Variants in NID2 observed in about 807,000 individuals in gnomAD.
NID2 encodes the protein nidogen 2.
NID2 carries 83 observed loss-of-function variants against 145.4 expected under a neutral mutation model. That is an observed-to-expected ratio of 0.57 (90% CI 0.48 to 0.69). NID2 has a LOEUF of 0.69. NID2 is among the 30% of genes least tolerant of loss of function. NID2 has a pLI of 0.00. For missense variants in NID2, 1,807 were observed against 1,765.7 expected (o/e 1.02, Z -0.42); for synonymous variants, 739 against 701.3 (o/e 1.05, Z -0.85).
At chr14:52,045,215 G>A (rs954741040) in intron 5 of NID2, among the ~76,000 whole-genome samples, 2 of 152,092 alleles carry the variant, frequency 1.3e-5, no homozygotes, top group East Asian at 1.9e-4. Context: ...GAAGATTATC[G>A]AGATGACTAT....
At chr14:52,048,803 C>T (rs1444816644) in intron 5 of NID2, among the ~76,000 whole-genome samples, 2 of 152,228 alleles carry the variant, frequency 1.3e-5, no homozygotes, top group African/African-American at 2.4e-5. Flanking sequence ...GAGAAGGAGA[C>T]ATTTGGGCAG....
intron 15 of NID2, 107 bp downstream of exon 15, chr14:52,014,947 A>T (rs960396477): frequency 1.1e-6 from 1 of 886,378 alleles, no homozygotes; most frequent in African/African-American, 1.7e-5. Flanking sequence ...GACTTCTTTC[A>T]TTAGACCTGG....
chr14:52,009,148 T>TA (rs1890911885), intron 18 of NID2: 1 of 152,190 alleles, frequency 6.6e-6, no homozygotes, highest in Non-Finnish European at 1.5e-5. Flanking sequence ...TTTCATCCCT[T>TA]ATGCCCAACA....
intron 13 of NID2, 36 bp downstream of exon 13, chr14:52,020,023 A>C: frequency 6.2e-7 from 1 of 1,611,110 alleles, no homozygotes; most frequent in Non-Finnish European, 8.5e-7. Flanking sequence ...AGGAGCTAAG[A>C]GATTCATGTG....
At position 52,038,865 on chromosome 14, in the gene NID2, G is replaced by A. The variant is rs750338939; in HGVS notation, c.2139C>T (p.Pro713=). 2.5e-6 allele frequency: 4 copies of A among 1,614,092 alleles called. No individual in the cohort carries two copies. The Admixed American group carries it at 5.0e-5, about 20-fold the overall frequency. The part of the protein sequence containing the change: ...NITYQVCRHA[P]RHPSFPTTQQ... ...GGGTGGTGGGGAAGGACGGGTGTCTGGGGGCGTGCCTGCACACCTGGTAAG... is the reference window on the plus strand; with the variant it reads ...GGGTGGTGGGGAAGGACGGGTGTCTAGGGGCGTGCCTGCACACCTGGTAAG... Residue 713 remains proline (P), a synonymous_variant, in exon 9 of 22, where the codon CCC becomes CCT. Coordinates refer to ENST00000216286, the MANE Select transcript of NID2 (RefSeq NM_007361.4).
intron 14 of NID2, among the ~76,000 whole-genome samples, chr14:52,018,366 C>G (rs564618869): frequency 1.3e-5 from 2 of 152,320 alleles, no homozygotes; most frequent in South Asian, 2.1e-4. Flanking sequence ...AATAATTCAA[C>G]AAGGAACAGA....
chr14:52,056,298 A>G (rs1595052590), intron 3 of NID2, among the ~76,000 whole-genome samples: 1 of 152,242 alleles, frequency 6.6e-6, no homozygotes, highest in Non-Finnish European at 1.5e-5. Flanking sequence ...CTAATTATAT[A>G]TAAATCACTA....
At position 52,028,543 on chromosome 14, in the gene NID2, T is replaced by A. The variant is rs1000988632; in HGVS notation, c.2530+179A>T. 13 of 578,736 alleles carry A rather than the reference T, an allele frequency of 2.2e-5. No homozygotes were observed. In the African/African-American group the frequency reaches 2.3e-4, roughly 10 times the overall value. The allele number at this position is 578,736 out of a possible 1,614,324, so 35.9% of individuals were successfully genotyped here. On this transcript the variant is annotated intron_variant, in intron 11 of 21. Coordinates refer to ENST00000216286, the MANE Select transcript of NID2 (RefSeq NM_007361.4). ...CACCTGCCTCAGCCTTCCAAAGCGATGATTACAGGCGTGAGCCACCACATC... is the reference window on the plus strand; with the variant it reads ...CACCTGCCTCAGCCTTCCAAAGCGAAGATTACAGGCGTGAGCCACCACATC...
chr14:52,013,611 CT>C (rs1248285296), intron 16 of NID2, among the ~76,000 whole-genome samples: 1 of 151,956 alleles, frequency 6.6e-6, no homozygotes, highest in Non-Finnish European at 1.5e-5. Context: ...GACAGCCACC[CT>C]TTTTTTTCCT....
chr14:52,046,236 T>C (rs930289319), intron 5 of NID2, among the ~76,000 whole-genome samples: 3 of 141,382 alleles, frequency 2.1e-5, no homozygotes, highest in Non-Finnish European at 4.5e-5. Flanking sequence ...GGCAGGAGAA[T>C]GGCGTGAATC....
intron 9 of NID2, among the ~76,000 whole-genome samples, chr14:52,030,592 AAGAAAGAAAGAAAGAG>A (rs1238219801): frequency 7.6e-6 from 1 of 130,996 alleles, no homozygotes; most frequent in East Asian, 2.7e-4. Context: ...GAAAGAAAGA[AAGAAAGAAAGAAAGAG>A]AAAGAAAAAG....
chr14:52,067,919 G>C lies in NID2; in HGVS notation c.473C>G (p.Ala158Gly), dbSNP rs1893279588. 2.5e-6 allele frequency: 4 copies of C among 1,612,732 alleles called. No individual in the cohort carries two copies. The East Asian group carries it at 8.9e-5, about 36-fold the overall frequency. Residue 158 changes from alanine to glycine, a missense_variant, in exon 2 of 22, where the codon GCC becomes GGC. Coordinates refer to ENST00000216286, the MANE Select transcript of NID2 (RefSeq NM_007361.4). ...GTAAGCGCCTACCTGCTCCCAGGTG[G>C]CCAGGAAGGCGTGGGTGGGGGTAAA... is the stretch of plus-strand genomic sequence containing the variant. ...ARFTPTHAFL[A>G]TWEQVGAYEE...
At chr14:52,019,393 G>A in intron 13 of NID2, 99 bp from the exon 14 acceptor site, 1 of 892,740 alleles carries the variant, frequency 1.1e-6, no homozygotes, top group Non-Finnish European at 1.6e-6. Context: ...AAAGCGCTGG[G>A]ATTTTGGAGC....
At position 52,027,311 on chromosome 14, in the gene NID2, C is replaced by T; in HGVS notation, c.2564G>A (p.Gly855Asp). ...ITPPANPCED[G>D]SHTCAPAGQA... is the part of the protein sequence containing the mutation. ...CCCAGCAGGAGCACAGGTATGACTG[C>T]CATCCTCACAGGGGTTGGCAGGTGG... The change falls in exon 12 of 22, where the codon GGC becomes GAC. Residue 855 changes from glycine (G) to aspartate (D), a missense_variant. Physicochemically the swap from Gly to Asp is moderately conservative, Grantham distance 94. Coordinates refer to ENST00000216286, the MANE Select transcript of NID2 (RefSeq NM_007361.4). The T allele has an allele frequency of 1.9e-6, 3 of 1,589,534 alleles. No homozygotes were observed. Among genetic ancestry groups the T allele is most frequent in the South Asian group, 1.1e-5 (1 of 87,852 alleles).
At chr14:52,011,462 T>C (rs1891016599) in intron 17 of NID2, 92 bp downstream of exon 17, 2 of 1,521,378 alleles carry the variant, frequency 1.3e-6, no homozygotes, top group East Asian at 2.3e-5. Flanking sequence ...CCTCCCCTAA[T>C]GGAGAAAAAT....
chr14:52,008,201 T>C, intron 18 of NID2: 1 of 395,516 alleles, frequency 2.5e-6, no homozygotes, highest in East Asian at 4.4e-5. Context: ...CCTTAGGGGC[T>C]CTCTCTTGCT....
chr14:52,036,924 A>G (rs1211592099), intron 9 of NID2, among the ~76,000 whole-genome samples: 1 of 152,208 alleles, frequency 6.6e-6, no homozygotes, highest in African/African-American at 2.4e-5. Context: ...ACTGTCTCCC[A>G]TTCTATGGCT....
At chr14:52,057,336 T>A (rs1892882816) in intron 3 of NID2, among the ~76,000 whole-genome samples, 1 of 152,188 alleles carries the variant, frequency 6.6e-6, no homozygotes, top group Non-Finnish European at 1.5e-5. Flanking sequence ...TTGCCCAGCC[T>A]AACTTTACCC....
intron 21 of NID2, 44 bp from the exon 22 acceptor site, chr14:52,005,540 T>C (rs1179100115): frequency 6.3e-7 from 1 of 1,584,836 alleles, no homozygotes; most frequent in Admixed American, 1.8e-5. Context: ...TGGGTGAGTA[T>C]ATTGTAACCA....
Sources: allele counts gnomAD v4.1 joint callset (sites outside exome capture counted in the v4.1 genomes callset), GRCh38; gene constraint gnomAD v4.1.1; transcripts MANE v1.5; gene names NCBI Gene and HGNC (gene_info 2026-07-23, HGNC 2026-07-21).